MGAT4C: variants seen among roughly 807,000 people sequenced by gnomAD.
MGAT4C encodes MGAT4 family member C.
Under a neutral mutation model 40.1 loss-of-function variants are expected in MGAT4C, and 19 were observed. The observed-to-expected ratio is 0.47, with a 90% confidence interval of 0.33 to 0.70. The LOEUF (loss-of-function observed/expected upper bound fraction) is 0.70, where lower values mean the gene tolerates loss of function less well. MGAT4C is among the 30% of genes least tolerant of loss of function. The probability of loss-of-function intolerance (pLI) is 0.02; values close to 1 mark genes in which losing one functional copy is unlikely to be tolerated. For missense variants in MGAT4C, 491 were observed against 563.2 expected, an observed-to-expected ratio of 0.87 and a Z score of 1.30; for synonymous variants, 181 against 187.1, an observed-to-expected ratio of 0.97 and a Z score of 0.27.
intron 2 of MGAT4C, among the ~76,000 whole-genome samples, chr12:86,013,276 C>A (rs1477039061): frequency 1.3e-5 from 2 of 151,820 alleles, no homozygotes; most frequent in African/African-American, 4.8e-5. Context: ...TTTTTGGAGA[C>A]GGAGTCTTGC....
intron 2 of MGAT4C, among the ~76,000 whole-genome samples, chr12:86,017,272 G>C (rs1889187842): frequency 6.6e-6 from 1 of 152,072 alleles, no homozygotes; most frequent in South Asian, 2.1e-4. Flanking sequence ...CAAACTACCA[G>C]CCATGAAGAT....
intron 2 of MGAT4C, among the ~76,000 whole-genome samples, chr12:86,654,038 G>A (rs924614838): frequency 1.3e-5 from 2 of 151,848 alleles, no homozygotes; most frequent in African/African-American, 2.4e-5. Context: ...TTGCCATAAC[G>A]TTCTAAGAAA....
At chr12:86,200,127 G>GTTTTTTTTTTTTTTTTTTTTTTTT (rs56844963) in intron 1 of MGAT4C, among the ~76,000 whole-genome samples, 5 of 102,346 alleles carry the variant, frequency 4.9e-5, no homozygotes, top group Non-Finnish European at 5.5e-5. Context: ...GTATGTATTT[G>GTTTTTTTTTTTTTTTTTTTTTTTT]TTTTTTTTTT....
chr12:86,769,003 A>C (rs1297453090), intron 1 of MGAT4C, among the ~76,000 whole-genome samples: 97 of 151,460 alleles, frequency 6.4e-4, no homozygotes, highest in Admixed American at 1.1e-3. Context: ...GCAACAAAAG[A>C]CAAAATTGAC....
At chr12:86,284,316 C>T (rs557359047) in intron 4 of MGAT4C, among the ~76,000 whole-genome samples, 1 of 151,432 alleles carries the variant, frequency 6.6e-6, no homozygotes, top group East Asian at 1.9e-4. Flanking sequence ...CATTTTTTTC[C>T]TCTATCTCTT....
chr12:86,505,736 T>C (rs755778337), intron 2 of MGAT4C, among the ~76,000 whole-genome samples: 110 of 152,342 alleles, frequency 7.2e-4, no homozygotes, highest in Middle Eastern at 3.4e-3. Context: ...GGAGATAACC[T>C]TGGATTATGC....
chr12:86,025,102 G>T (rs1032685137), intron 2 of MGAT4C, among the ~76,000 whole-genome samples: 6 of 151,228 alleles, frequency 4.0e-5, no homozygotes, highest in Non-Finnish European at 8.9e-5. Flanking sequence ...TTTAAAAATA[G>T]AAATAACCTA....
At chr12:86,399,350 C>T (rs546170917) in intron 3 of MGAT4C, among the ~76,000 whole-genome samples, 4 of 150,324 alleles carry the variant, frequency 2.7e-5, no homozygotes, top group South Asian at 2.1e-4. Context: ...GGCGCAATCT[C>T]GGCTCACAGC....
rs149224026 is a variant in MGAT4C, at chr12:86,157,107, G to A, written c.-57+99132C>T. On this transcript the variant is annotated intron_variant, in intron 1 of 4. Coordinates refer to ENST00000611864, the MANE Select transcript of MGAT4C (RefSeq NM_001351288.2). ...AAATGCAAGTACTATCATGATATAA[G>A]GCATTTTGCTTTAGGCAAAATATGA... Among the ~76,000 whole-genome samples, 517 of 139,244 alleles carry A rather than the reference G, an allele frequency of 3.7e-3. 3 individuals carry two copies. Among genetic ancestry groups the A allele is most frequent in the African/African-American group, 0.013 (498 of 38,264 alleles). The allele number at this position is 139,244 out of a possible 152,430, so 91.3% of individuals were successfully genotyped here.
chr12:86,267,841 T>C (rs547737309), intron 4 of MGAT4C, among the ~76,000 whole-genome samples: 3 of 152,254 alleles, frequency 2.0e-5, no homozygotes, highest in South Asian at 4.1e-4. Context: ...ACTTATAATA[T>C]GGAATTCATA....
intron 2 of MGAT4C, among the ~76,000 whole-genome samples, chr12:86,466,014 G>T (rs994682735): frequency 6.6e-5 from 10 of 152,020 alleles, no homozygotes; most frequent in Non-Finnish European, 1.5e-4. Flanking sequence ...TTCGAGACCA[G>T]CCTGTCCAGC....
chr12:86,366,827 A>C (rs1955608336), intron 3 of MGAT4C, among the ~76,000 whole-genome samples: 1 of 152,162 alleles, frequency 6.6e-6, no homozygotes, highest in African/African-American at 2.4e-5. Flanking sequence ...CTTTCCTAGT[A>C]GCAGACTAAA....
intron 1 of MGAT4C, among the ~76,000 whole-genome samples, chr12:86,733,855 G>A (rs1950947346): frequency 6.6e-6 from 1 of 151,960 alleles, no homozygotes; most frequent in Admixed American, 6.6e-5. Context: ...AAGCAAAATG[G>A]GAATGTAATT....
rs1451438943 is a variant in MGAT4C at position 86,138,309 on chromosome 12, A to AC, written c.-56-88587_-56-88586insG. Among the ~76,000 whole-genome samples, 398 of 140,012 alleles carry AC rather than the reference A, an allele frequency of 2.8e-3. 2 individuals carry two copies. The highest frequency in any genetic ancestry group is 3.4e-3 in the Non-Finnish European group (219 of 64,496). The allele number at this position is 140,012 out of a possible 152,430, so 91.9% of individuals were successfully genotyped here. ...CATACCTATGACTAATGTTACAATC[A>AC]TTTTTTTTTTTTCACTACCCTAGAC... On this transcript the variant is annotated intron_variant, in intron 1 of 4. Transcript: ENST00000611864.
intron 1 of MGAT4C, among the ~76,000 whole-genome samples, chr12:86,213,153 A>G (rs61949006): frequency 0.081 from 12,361 of 152,160 alleles, 622 homozygotes; most frequent in Middle Eastern, 0.23. Flanking sequence ...GCTGGAGGAT[A>G]TGGTTCTAAT....
intron 2 of MGAT4C, among the ~76,000 whole-genome samples, chr12:86,638,901 G>T (rs562002481): frequency 5.5e-4 from 84 of 151,600 alleles, no homozygotes; most frequent in Non-Finnish European, 8.3e-4. Context: ...TTCAATTATT[G>T]GTTTCTATTT....
intron 3 of MGAT4C, among the ~76,000 whole-genome samples, chr12:86,387,382 TG>T (rs1301339213): frequency 6.6e-6 from 1 of 152,150 alleles, no homozygotes; most frequent in African/African-American, 2.4e-5. Flanking sequence ...TTTATATGTG[TG>T]TATTTCACAG....
chr12:86,419,600 C>T (rs912051353), intron 3 of MGAT4C, among the ~76,000 whole-genome samples: 7 of 151,994 alleles, frequency 4.6e-5, no homozygotes, highest in Non-Finnish European at 7.4e-5. Flanking sequence ...TTTAGTCTTA[C>T]ACAAATCTTC....
intron 2 of MGAT4C, among the ~76,000 whole-genome samples, chr12:86,692,116 G>T (rs1204184505): frequency 2.0e-5 from 3 of 152,066 alleles, no homozygotes; most frequent in Non-Finnish European, 4.4e-5. Flanking sequence ...ATGCAGAAAA[G>T]ATTATTAAAG....
Sources: allele counts gnomAD v4.1 joint callset (sites outside exome capture counted in the v4.1 genomes callset), GRCh38; gene constraint gnomAD v4.1.1; transcripts MANE v1.5; gene names NCBI Gene and HGNC (gene_info 2026-07-23, HGNC 2026-07-21).